CFAP54: variants seen among roughly 807,000 people sequenced by gnomAD.
CFAP54 encodes the protein cilia- and flagella-associated protein 54.
Under a neutral mutation model 370.4 loss-of-function variants are expected in CFAP54, and 290 were observed. The observed-to-expected ratio is 0.78, with a 90% confidence interval of 0.71 to 0.86. The LOEUF is 0.86. Among genes scored for constraint, CFAP54 ranks in the 40% least tolerant of loss-of-function variants. CFAP54 has a pLI of 0.00. For missense variants in CFAP54, 3,399 were observed against 3,528.7 expected (o/e 0.96, Z 0.93); for synonymous variants, 1,206 against 1,236.5 (o/e 0.98, Z 0.52).
intron 5 of CFAP54, among the ~76,000 whole-genome samples, chr12:96,515,010 CTTT>C (rs34667780): frequency 7.2e-5 from 10 of 138,384 alleles, no homozygotes; most frequent in Middle Eastern, 3.7e-3. Context: ...GAGTATAGTT[CTTT>C]TTTTTTTTTT....
At chr12:96,806,620 A>C (rs912969480) in intron 63 of CFAP54, among the ~76,000 whole-genome samples, 1 of 152,056 alleles carries the variant, frequency 6.6e-6, no homozygotes, top group Admixed American at 6.6e-5. Context: ...TCCTGGGAAA[A>C]CTACTAAGTC....
chr12:96,535,008 CTGTG>C (rs4018882), intron 11 of CFAP54, among the ~76,000 whole-genome samples: 16,799 of 137,254 alleles, frequency 0.12, 1,052 homozygotes, highest in Middle Eastern at 0.17. Context: ...GTTTTCTTTT[CTGTG>C]TGTGTGTGTG....
intron 14 of CFAP54, among the ~76,000 whole-genome samples, chr12:96,542,794 T>A (rs1203677033): frequency 6.6e-6 from 1 of 152,202 alleles, no homozygotes; most frequent in Admixed American, 6.5e-5. Context: ...TCTTTTAAAG[T>A]TGGTTTGTTC....
At position 96,700,099 on chromosome 12, in the gene CFAP54, C is replaced by T. The variant is rs567370724; in HGVS notation, c.6474+6C>T. 19 of 1,600,894 alleles carry T rather than the reference C, an allele frequency of 1.2e-5. No individual in the cohort carries two copies. The East Asian group carries it at 2.2e-4, about 19-fold the overall frequency. ...AAGCCACTGGAAAAATGAAGGTAAC[C>T]TGACAATTTGATTCAAAGCAATTTC... On this transcript the variant is annotated splice_donor_region_variant and intron_variant, in intron 46 of 67. Coordinates refer to ENST00000524981, the MANE Select transcript of CFAP54 (RefSeq NM_001306084.2).
chr12:96,853,681 A>T (rs1196825937), intron 66 of CFAP54, among the ~76,000 whole-genome samples: 3 of 152,188 alleles, frequency 2.0e-5, no homozygotes, highest in African/African-American at 7.2e-5. Flanking sequence ...CAGGCTTAAA[A>T]TGCCTGGAAT....
At chr12:96,753,990 A>G in intron 56 of CFAP54, 92 bp downstream of exon 56, 3 of 1,328,396 alleles carry the variant, frequency 2.3e-6, no homozygotes, top group Non-Finnish European at 2.1e-6. Flanking sequence ...GTCCCTGACT[A>G]TAAAAATTAC....
intron 66 of CFAP54, among the ~76,000 whole-genome samples, chr12:96,851,346 G>A (rs918590553): frequency 7.2e-5 from 11 of 151,878 alleles, no homozygotes; most frequent in African/African-American, 2.7e-4. Context: ...ACCATATTTA[G>A]GTGGTTTCCT....
chr12:96,544,763 A>T (rs539069344), intron 14 of CFAP54, among the ~76,000 whole-genome samples: 1 of 152,250 alleles, frequency 6.6e-6, no homozygotes, highest in African/African-American at 2.4e-5. Context: ...CTTATTTCTT[A>T]CAGTTGTGGA....
At chr12:96,797,792 A>G (rs902873560) in intron 63 of CFAP54, among the ~76,000 whole-genome samples, 4 of 151,992 alleles carry the variant, frequency 2.6e-5, no homozygotes, top group African/African-American at 9.7e-5. Flanking sequence ...GTTCTTGGAT[A>G]TTTAAAAATA....
intron 66 of CFAP54, among the ~76,000 whole-genome samples, chr12:96,840,434 G>A (rs1196159257): frequency 1.3e-5 from 2 of 152,064 alleles, no homozygotes; most frequent in African/African-American, 2.4e-5. Flanking sequence ...TTACATTACT[G>A]TATGATCCTT....
At chr12:96,755,833 A>G (rs534599221) in intron 56 of CFAP54, among the ~76,000 whole-genome samples, 2 of 151,710 alleles carry the variant, frequency 1.3e-5, no homozygotes, top group East Asian at 3.9e-4. Flanking sequence ...ATGCCAGGCT[A>G]ATTTTTGTAT....
At chr12:96,783,942 C>T (rs1012115254) in intron 60 of CFAP54, among the ~76,000 whole-genome samples, 2 of 152,012 alleles carry the variant, frequency 1.3e-5, no homozygotes, top group Non-Finnish European at 2.9e-5. Flanking sequence ...CCAGAGAGGC[C>T]GAAGGCACAG....
At position 96,585,227 on chromosome 12, in the gene CFAP54, C is replaced by T. The variant is rs370690254; in HGVS notation, c.3075+4122C>T. Among the ~76,000 whole-genome samples the T allele has an allele frequency of 4.6e-5, 7 of 152,224 alleles. No individual in the cohort carries two copies. The East Asian group carries it at 7.7e-4, about 17-fold the overall frequency. The stretch of plus-strand genomic sequence containing the variant: ...CCAGGCTGGAGTGCAGTGGTGCGAT[C>T]TCAGCTTACTGCAACCTCCACCTCC... On this transcript the variant is annotated intron_variant, in intron 22 of 67. Transcript: ENST00000524981.
intron 66 of CFAP54, among the ~76,000 whole-genome samples, chr12:96,850,698 G>A (rs1959516682): frequency 6.7e-6 from 1 of 148,400 alleles, no homozygotes; most frequent in Non-Finnish European, 1.5e-5. Context: ...TGTAAAGAAA[G>A]GAGGTTTAAT....
intron 63 of CFAP54, among the ~76,000 whole-genome samples, chr12:96,801,496 AG>A (rs1272031547): frequency 6.6e-6 from 1 of 152,146 alleles, no homozygotes; most frequent in African/African-American, 2.4e-5. Context: ...ATAGCTGCAA[AG>A]GGTGGTTTAT....
intron 28 of CFAP54, 44 bp from the exon 29 acceptor site, chr12:96,625,674 C>T (rs893401398): frequency 1.6e-5 from 20 of 1,244,168 alleles, no homozygotes; most frequent in East Asian, 1.1e-4. Flanking sequence ...TTGTATTTTG[C>T]GTTACTAAAC....
chr12:96,679,742 A>T lies in CFAP54; in HGVS notation c.5706A>T (p.Ala1902=). 2 of 1,612,850 alleles carry T rather than the reference A, an allele frequency of 1.2e-6. No homozygotes were observed. Among genetic ancestry groups the T allele is most frequent in the Admixed American group, 1.7e-5 (1 of 59,866 alleles). Residue 1902 remains alanine, a synonymous_variant, in exon 40 of 68, where the codon GCA becomes GCT. Transcript: ENST00000524981. The part of the protein sequence containing the change: ...HSRKLLSLFL[A]QTQDVLQASN... Reference sequence around the variant, plus strand: ...GAAAGTTGCTTTCATTATTTCTTGCACAGACACAAGGTAAAATGCATGTTC... The same window carrying T: ...GAAAGTTGCTTTCATTATTTCTTGCTCAGACACAAGGTAAAATGCATGTTC...
chr12:96,528,190 G>A (rs1467529972), intron 9 of CFAP54, among the ~76,000 whole-genome samples: 1 of 151,378 alleles, frequency 6.6e-6, no homozygotes, highest in Non-Finnish European at 1.5e-5. Flanking sequence ...ATACCCTTTT[G>A]CAGATCACAG....
chr12:96,621,106 A>G (rs7971001), intron 26 of CFAP54, among the ~76,000 whole-genome samples: 3 of 152,238 alleles, frequency 2.0e-5, no homozygotes, highest in Non-Finnish European at 2.9e-5. Flanking sequence ...AACAGCTTCT[A>G]TCTAGCCTAG....
Sources: allele counts gnomAD v4.1 joint callset (sites outside exome capture counted in the v4.1 genomes callset), GRCh38; gene constraint gnomAD v4.1.1; transcripts MANE v1.5; gene names NCBI Gene and HGNC (gene_info 2026-07-23, HGNC 2026-07-21).